Variants in RUSC1 observed in about 807,000 individuals in gnomAD.
RUSC1 encodes AP-4 complex accessory subunit RUSC1.
RUSC1 carries 40 observed loss-of-function variants against 72.1 expected under a neutral mutation model. That is an observed-to-expected ratio of 0.55 (90% confidence interval 0.43 to 0.72). RUSC1 has a LOEUF of 0.72. Ranked by LOEUF, RUSC1 falls within the 30% of genes least tolerant of loss-of-function variation. The pLI, the probability that RUSC1 is intolerant of heterozygous loss-of-function variation, is 0.00. For synonymous variants in RUSC1, 512 were observed against 494.2 expected, an observed-to-expected ratio of 1.04 and a Z score of -0.48; for missense variants, 1,092 against 1,172.3, an observed-to-expected ratio of 0.93 and a Z score of 1.00.
chr1:155,328,147 T>G lies in RUSC1; in HGVS notation c.2415-3T>G, dbSNP rs199880851. 1.9e-6 allele frequency: 3 copies of G among 1,612,042 alleles called. No homozygotes were observed. Among genetic ancestry groups the G allele is most frequent in the Admixed American group, 1.7e-5 (1 of 59,798 alleles). Reference sequence around the variant, plus strand: ...AGCTGTGACCCTATGTCCCTTCTTTTAGGAGACCATCTAGCTGGCTGCCCC... The same window carrying G: ...AGCTGTGACCCTATGTCCCTTCTTTGAGGAGACCATCTAGCTGGCTGCCCC... On this transcript the variant is annotated splice_polypyrimidine_tract_variant and splice_region_variant and intron_variant, in intron 8 of 9. Coordinates refer to ENST00000368352, the MANE Select transcript of RUSC1 (RefSeq NM_001105203.2).
At chr1:155,323,741 C>T (rs886757291) in intron 2 of RUSC1, 1 of 159,604 alleles carries the variant, frequency 6.3e-6, no homozygotes, top group Admixed American at 6.6e-5. Flanking sequence ...CCCGCCCCCC[C>T]GCTGCCACCG....
rs772585898 is a variant in RUSC1 at position 155,324,561 on chromosome 1, C to T, written c.1358-284C>T. ...AGGCGGGAGGTGAGCGCGGCCATCCCGCTCCCGGAGTTCCGGGATCCTGGA... is the reference window on the plus strand; with the variant it reads ...AGGCGGGAGGTGAGCGCGGCCATCCTGCTCCCGGAGTTCCGGGATCCTGGA... On this transcript the variant is annotated intron_variant, in intron 2 of 9. Transcript: ENST00000368352. 10 of 1,581,168 alleles carry T rather than the reference C, an allele frequency of 6.3e-6. No individual in the cohort carries two copies. The South Asian group carries it at 8.0e-5, about 13-fold the overall frequency.
rs201296155 is a variant in RUSC1, at chr1:155,328,190, G to C, written c.2455G>C (p.Ala819Pro). 1 of 1,613,562 alleles carries C rather than the reference G, an allele frequency of 6.2e-7. No individual in the cohort carries two copies. The highest frequency in any genetic ancestry group is 2.2e-5 in the East Asian group (1 of 44,882). Residue 819 changes from alanine (A) to proline (P), a missense_variant, in exon 9 of 10, where the codon GCT becomes CCT. Physicochemically the swap from Ala to Pro is conservative, Grantham distance 27. Transcript: ENST00000368352. ...SWLPPTVSVLALVKRGAPPEM... is the reference protein window; with the variant it reads ...SWLPPTVSVLPLVKRGAPPEM... The stretch of plus-strand genomic sequence containing the variant: ...GCTGCCCCCGACAGTGAGTGTGTTG[G>C]CTCTTGTGAAGCGGGGGGCACCTCC...
rs1475281456 is a variant in RUSC1, at chr1:155,322,138, A to C, written c.365A>C (p.Tyr122Ser). Reference protein sequence around the residue: ...LSPDESPVSVYLRDLPGDEDA... With the variant: ...LSPDESPVSVSLRDLPGDEDA... ...CCCGATGAGTCCCCTGTCTCAGTCTACTTGCGGGACCTCCCTGGTGATGAG... is the reference window on the plus strand; with the variant it reads ...CCCGATGAGTCCCCTGTCTCAGTCTCCTTGCGGGACCTCCCTGGTGATGAG... The change falls in exon 2 of 10, where the codon TAC (tyrosine) becomes TCC (serine). Residue 122 changes from tyrosine to serine, a missense_variant. Physicochemically the swap from Tyr to Ser is moderately radical, Grantham distance 144. Coordinates refer to ENST00000368352, the MANE Select transcript of RUSC1 (RefSeq NM_001105203.2). 1 of 1,604,318 alleles carries C rather than the reference A, an allele frequency of 6.2e-7. No individual in the cohort carries two copies. Among genetic ancestry groups the C allele is most frequent in the Non-Finnish European group, 8.5e-7 (1 of 1,173,912 alleles).
chr1:155,330,462 G>A lies in RUSC1; in HGVS notation c.2600G>A (p.Arg867His), dbSNP rs751677722. 2.4e-5 allele frequency: 38 copies of A among 1,613,668 alleles called. No homozygotes were observed. The highest frequency in any genetic ancestry group is 1.7e-4 in the Admixed American group (10 of 60,008). ...AGACCTGACCAGTTGAGCTTCCGGCGTGGGGAAGTGCTGCGTGTCATCACC... is the reference window on the plus strand; with the variant it reads ...AGACCTGACCAGTTGAGCTTCCGGCATGGGGAAGTGCTGCGTGTCATCACC... ...AARPDQLSFR[R>H]GEVLRVITTV... is the part of the protein sequence containing the mutation. Residue 867 changes from arginine to histidine, a missense_variant, in exon 10 of 10, where the codon CGT becomes CAT. Physicochemically the swap from Arg to His is conservative, Grantham distance 29 (BLOSUM62 0). Coordinates refer to ENST00000368352, the MANE Select transcript of RUSC1 (RefSeq NM_001105203.2).
chr1:155,324,454 G>C (rs928150967), intron 2 of RUSC1: 1 of 1,612,408 alleles, frequency 6.2e-7, no homozygotes, highest in African/African-American at 1.3e-5. Flanking sequence ...CCGCAGGCAG[G>C]ACTGGGCCCC....
rs187876813 is a variant in RUSC1, at chr1:155,321,117, C to A, written c.-87+126C>A. On this transcript the variant is annotated intron_variant, in intron 1 of 9. Transcript: ENST00000368352. ...GGTGGCTGAACGATGGAGACGAATG[C>A]GGAGAGAATGGACATACCGCTGTTC... The A allele has an allele frequency of 5.8e-6, 8 of 1,384,318 alleles. No homozygotes were observed. In the East Asian group the frequency reaches 2.2e-4, roughly 38 times the overall value. 85.8% of individuals were successfully genotyped at this position (1,384,318 alleles called of 1,614,324 possible).
At chr1:155,323,264 C>T in intron 2 of RUSC1, 134 bp downstream of exon 2, 2 of 1,034,316 alleles carry the variant, frequency 1.9e-6, no homozygotes, top group Non-Finnish European at 2.6e-6. Flanking sequence ...GGGAGCGCTC[C>T]GGGAAAGGGA....
chr1:155,328,311 C>A (rs368446387), intron 9 of RUSC1, 36 bp downstream of exon 9: 75 of 1,559,622 alleles, frequency 4.8e-5, no homozygotes, highest in Non-Finnish European at 5.7e-5. Context: ...TAGTGTGTAA[C>A]CATGTATGCT....
In RUSC1 at chr1:155,326,930, CG is replaced by C; in HGVS notation, c.2215del (p.Val739SerfsTer64). The C allele has an allele frequency of 6.2e-7, 1 of 1,613,788 alleles. No homozygotes were observed. The highest frequency in any genetic ancestry group is 8.5e-7 in the Non-Finnish European group (1 of 1,180,042). The stretch of plus-strand genomic sequence containing the variant: ...GTGGGAGCAGTTGACCCAGGCCTCC[CG>C]GGTCTATGCCTCTGGGGGCACTGAG... The part of the protein sequence containing the change: ...SWWEQLTQAS[R>X]VYASGGTEGF... On this transcript the variant is annotated frameshift_variant, in exon 8 of 10. Transcript: ENST00000368352. LOFTEE classifies it high-confidence loss of function. The surrounding 1 kb of genome is among the most constrained non-coding windows in gnomAD (Gnocchi z 4.7).
chr1:155,327,366 G>C (rs528158523), intron 8 of RUSC1, among the ~76,000 whole-genome samples: 1 of 152,084 alleles, frequency 6.6e-6, no homozygotes, highest in Admixed American at 6.5e-5. Context: ...AGGTACATGT[G>C]GGGGATTGGT....
chr1:155,326,137 T>G lies in RUSC1; in HGVS notation c.1861+227T>G. 1 of 602,970 alleles carries G rather than the reference T, an allele frequency of 1.7e-6. No homozygotes were observed. The highest frequency in any genetic ancestry group is 2.8e-5 in the East Asian group (1 of 35,752). 37.4% of individuals were successfully genotyped at this position (602,970 alleles called of 1,614,324 possible). A position where few individuals can be genotyped will look rare whatever the true frequency, so the allele number is the denominator to read the frequency against. On this transcript the variant is annotated intron_variant, in intron 7 of 9. Coordinates refer to ENST00000368352, the MANE Select transcript of RUSC1 (RefSeq NM_001105203.2). The surrounding 1 kb of genome is among the most constrained non-coding windows in gnomAD (Gnocchi z 4.7). ...CCTCTTCCCCTGCCTTGGAGGGTCT[T>G]GCCAACAGTCTTCCCGCCTGGCCCT...
chr1:155,325,578 C>T lies in RUSC1; in HGVS notation c.1720C>T (p.Arg574Cys). The T allele has an allele frequency of 1.2e-6, 2 of 1,610,570 alleles. No individual in the cohort carries two copies. The highest frequency in any genetic ancestry group is 1.7e-6 in the Non-Finnish European group (2 of 1,179,932). ...CCCCACGTTCTCAGGCTCCAGCACC[C>T]GCTCCCTTGGAACCCTGTATAGCCA... The part of the protein sequence containing the change: ...EASVKPGSST[R>C]SLGTLYSQVS... The change falls in exon 6 of 10, where the codon CGC (arginine) becomes TGC (cysteine). Residue 574 changes from arginine (R) to cysteine (C), a missense_variant. Arg to Cys is a radical substitution (Grantham distance 180). Transcript: ENST00000368352. The surrounding 1 kb of genome is among the most constrained non-coding windows in gnomAD (Gnocchi z 6.5).
rs1651482498 is a variant in RUSC1, at chr1:155,326,952, C to T, written c.2234C>T (p.Thr745Ile). 6.2e-7 allele frequency: 1 copy of T among 1,613,844 alleles called. No individual in the cohort carries two copies. Among genetic ancestry groups the T allele is most frequent in the Non-Finnish European group, 8.5e-7 (1 of 1,180,048 alleles). ...QASRVYASGG[T>I]EGFPLSRWAP... is the part of the protein sequence containing the mutation. ...TCCCGGGTCTATGCCTCTGGGGGCA[C>T]TGAGGGCTTTCCTCTTTCCCGATGG... Residue 745 changes from threonine to isoleucine, a missense_variant, in exon 8 of 10, where the codon ACT (threonine) becomes ATT (isoleucine). Thr to Ile is a moderately conservative substitution (Grantham distance 89, BLOSUM62 -1). Coordinates refer to ENST00000368352, the MANE Select transcript of RUSC1 (RefSeq NM_001105203.2). This position sits in a 1 kb window ranked among gnomAD's most constrained non-coding sequence, Gnocchi z 4.7.
rs780985019 is a variant in RUSC1, at chr1:155,325,383, C to T, written c.1601C>T (p.Ala534Val). The T allele has an allele frequency of 6.3e-7, 1 of 1,593,832 alleles. No homozygotes were observed. The highest frequency in any genetic ancestry group is 8.5e-7 in the Non-Finnish European group (1 of 1,174,308). ...GHLVLTTLCP[A>V]LHALVADGLK... ...CTGGTGCTGACCACCCTCTGCCCGG[C>T]CCTCCACGCCCTGGTGGCGGACGGG... The change falls in exon 5 of 10, where the codon GCC becomes GTC. Residue 534 changes from alanine (A) to valine (V), a missense_variant. Ala to Val is a moderately conservative substitution (Grantham distance 64). Transcript: ENST00000368352. The surrounding 1 kb of genome is among the most constrained non-coding windows in gnomAD (Gnocchi z 6.5).
chr1:155,323,210 T>G, intron 2 of RUSC1, 80 bp downstream of exon 2: 1 of 1,350,506 alleles, frequency 7.4e-7, no homozygotes, highest in South Asian at 1.8e-5. Context: ...GCCCCCTGTC[T>G]TCCCTCCATT....
At position 155,322,042 on chromosome 1, in the gene RUSC1, A is replaced by T; in HGVS notation, c.269A>T (p.Glu90Val). 6.2e-7 allele frequency: 1 copy of T among 1,613,198 alleles called. No homozygotes were observed. The highest frequency in any genetic ancestry group is 8.5e-7 in the Non-Finnish European group (1 of 1,179,486). ...GAAAACCGGCAGGACCCGTCACAGG[A>T]GGAAGAGGGGGCTGCCTCTCCCTCA... Reference protein sequence around the residue: ...GLENRQDPSQEEEGAASPSDP... With the variant: ...GLENRQDPSQVEEGAASPSDP... The change falls in exon 2 of 10, where the codon GAG becomes GTG. Residue 90 changes from glutamate to valine, a missense_variant. Physicochemically the swap from Glu to Val is moderately radical, Grantham distance 121 (BLOSUM62 -2). Coordinates refer to ENST00000368352, the MANE Select transcript of RUSC1 (RefSeq NM_001105203.2).
chr1:155,329,392 CTT>C (rs749137919), intron 9 of RUSC1, among the ~76,000 whole-genome samples: 21 of 118,410 alleles, frequency 1.8e-4, no homozygotes, highest in Admixed American at 2.7e-4. Flanking sequence ...GGCTACTAAA[CTT>C]TTTTTTTTTT....
rs777001097 is a variant in RUSC1 at position 155,321,193 on chromosome 1, G to A, written c.-87+202G>A. On this transcript the variant is annotated intron_variant, in intron 1 of 9. Coordinates refer to ENST00000368352, the MANE Select transcript of RUSC1 (RefSeq NM_001105203.2). ...CCCGGCCGAGGCAGCCAGCAGATGC[G>A]GAGTTGACAAGCTGACGGCTGCTCC... 4.4e-6 allele frequency: 6 copies of A among 1,368,608 alleles called. No individual in the cohort carries two copies. In the East Asian group the frequency reaches 1.8e-4, roughly 42 times the overall value. 84.8% of individuals were successfully genotyped at this position (1,368,608 alleles called of 1,614,324 possible). A position where few individuals can be genotyped will look rare whatever the true frequency, so the allele number is the denominator to read the frequency against.
Sources: gnomAD v4.1 joint callset for allele counts (sites outside exome capture counted in the v4.1 genomes callset) on GRCh38, gnomAD v4.1.1 for gene constraint, Gnocchi (gnomAD v3.1) non-coding constraint, MANE v1.5 for transcripts, NCBI Gene and HGNC (gene_info 2026-07-23, HGNC 2026-07-21) for gene names.